The following VWA5B2 variants were observed in gnomAD, a reference collection of about 807,000 sequenced individuals.
VWA5B2 encodes von Willebrand factor A domain containing 5B2, also known as von Willebrand factor A domain-containing protein 5B2.
Under a neutral mutation model 118.5 loss-of-function variants are expected in VWA5B2, and 93 were observed. The observed-to-expected ratio is 0.79, with a 90% CI of 0.66 to 0.93. The LOEUF is 0.93. VWA5B2 is among the 40% of genes least tolerant of loss of function. The probability of loss-of-function intolerance (pLI) is 0.00; values close to 1 mark genes in which losing one functional copy is unlikely to be tolerated. For missense variants in VWA5B2, 1,546 were observed against 1,672.8 expected, an observed-to-expected ratio of 0.92 and a Z score of 1.32; for synonymous variants, 708 against 716.3, an observed-to-expected ratio of 0.99 and a Z score of 0.19.
rs184630385 is a variant in VWA5B2, at chr3:184,241,922, G to T, written c.3613G>T (p.Asp1205Tyr). 1 of 1,547,662 alleles carries T rather than the reference G, an allele frequency of 6.5e-7. No homozygotes were observed. ...CTGGCTGCGGGCCCAGCACTTGCCT[G>T]ACGGCCTTGACCTGGCCGCCCTCAA... The part of the protein sequence containing the change: ...DCWLRAQHLP[D>Y]GLDLAALKAA... The change falls in exon 20 of 20, where the codon GAC becomes TAC. Residue 1205 changes from aspartate to tyrosine, a missense_variant. This residue lies in a region of VWA5B2 where 763 missense variants were observed against 766.6 expected (regional missense o/e 1.00). Transcript: ENST00000691901. The surrounding 1 kb of genome is among the most constrained non-coding windows in gnomAD (Gnocchi z 5.1).
chr3:184,241,882 G>C lies in VWA5B2; in HGVS notation c.3573G>C (p.Ala1191=), dbSNP rs1434488740. 4 of 1,546,980 alleles carry C rather than the reference G, an allele frequency of 2.6e-6. No individual in the cohort carries two copies. Among genetic ancestry groups the C allele is most frequent in the African/African-American group, 2.7e-5 (2 of 73,188 alleles). Residue 1191 remains alanine, a synonymous_variant, in exon 20 of 20, where the codon GCG becomes GCC. Coordinates refer to ENST00000691901, the MANE Select transcript of VWA5B2 (RefSeq NM_001390846.1). The surrounding 1 kb of genome is among the most constrained non-coding windows in gnomAD (Gnocchi z 5.1). ...AAAFDEWELT[A]AKADCWLRAQ... is the part of the protein sequence containing the mutation. ...CCTTCGACGAGTGGGAACTGACAGC[G>C]GCCAAGGCTGATTGCTGGCTGCGGG...
rs150235518 is a variant in VWA5B2, at chr3:184,234,804, G to C, written c.945+49G>C. On this transcript the variant is annotated intron_variant, in intron 7 of 19. Coordinates refer to ENST00000691901, the MANE Select transcript of VWA5B2 (RefSeq NM_001390846.1). ...GGCCCCTGGCCTTGGCTGCATTTGT[G>C]CACAAGGAGCAGGCAAGCAGGCTTA... The C allele has an allele frequency of 3.0e-4, 460 of 1,549,278 alleles. 2 individuals are homozygous for C. In the East Asian group the frequency reaches 0.01, roughly 34 times the overall value.
chr3:184,234,601 C>G, intron 6 of VWA5B2, 30 bp from the exon 7 acceptor site: 1 of 1,548,884 alleles, frequency 6.5e-7, no homozygotes. Context: ...GCAGGGCCTT[C>G]CTTGACAGAA....
chr3:184,238,592 G>A lies in VWA5B2; in HGVS notation c.1921G>A (p.Asp641Asn). 1 of 1,551,026 alleles carries A rather than the reference G, an allele frequency of 6.4e-7. No homozygotes were observed. The highest frequency in any genetic ancestry group is 8.7e-7 in the Non-Finnish European group (1 of 1,146,386). ...STDALTDPVTDPGPNPSDTAI... is the reference protein window; with the variant it reads ...STDALTDPVTNPGPNPSDTAI... Reference sequence around the variant, plus strand: ...TGATGCTCTGACAGACCCAGTCACGGATCCTGGACCCAACCCCTCTGACAC... The same window carrying A: ...TGATGCTCTGACAGACCCAGTCACGAATCCTGGACCCAACCCCTCTGACAC... Residue 641 changes from aspartate (D) to asparagine (N), a missense_variant, in exon 14 of 20, where the codon GAT becomes AAT. Around this residue, in one of 3 missense-constraint regions of VWA5B2, gnomAD observed 775 missense variants for 882.3 expected, o/e 0.88. Transcript: ENST00000691901. This position sits in a 1 kb window ranked among gnomAD's most constrained non-coding sequence, Gnocchi z 5.0.
rs1419913122 is a variant in VWA5B2, at chr3:184,233,451, G to A, written c.530+54G>A. ...CTCCCTCGGCTTCTCTGGGTCTAGT[G>A]CGGGTGAGGGGGCACTGGCAGGGTA... On this transcript the variant is annotated intron_variant, in intron 4 of 19. Transcript: ENST00000691901. The surrounding 1 kb of genome is among the most constrained non-coding windows in gnomAD (Gnocchi z 5.2). 55 of 1,499,960 alleles carry A rather than the reference G, an allele frequency of 3.7e-5. No homozygotes were observed. The highest frequency in any genetic ancestry group is 4.7e-5 in the Non-Finnish European group (53 of 1,122,490). The allele number at this position is 1,499,960 out of a possible 1,614,324, so 92.9% of individuals were successfully genotyped here. A position where few individuals can be genotyped will look rare whatever the true frequency, so the allele number is the denominator to read the frequency against.
Position 184,242,295 on chromosome 3 carries a change from T to C in VWA5B2, c.*257T>C. 4 of 749,576 alleles carry C rather than the reference T, an allele frequency of 5.3e-6. No homozygotes were observed. The highest frequency in any genetic ancestry group is 9.1e-6 in the Non-Finnish European group (4 of 439,540). The allele number at this position is 749,576 out of a possible 1,614,324, so 46.4% of individuals were successfully genotyped here. On this transcript the variant is annotated 3_prime_UTR_variant, in exon 20 of 20. Transcript: ENST00000691901. ...ACAGTGGAAGGGTAGAGAGCCACAGTCCCCAAATCCTATGCAATAAAGTGC... is the reference window on the plus strand; with the variant it reads ...ACAGTGGAAGGGTAGAGAGCCACAGCCCCCAAATCCTATGCAATAAAGTGC...
Position 184,236,219 on chromosome 3 carries a change from C to A in VWA5B2, c.1169C>A (p.Thr390Lys), listed in dbSNP as rs1442113047. 6.4e-7 allele frequency: 1 copy of A among 1,551,762 alleles called. No homozygotes were observed. Among genetic ancestry groups the A allele is most frequent in the South Asian group, 1.2e-5 (1 of 84,070 alleles). The change falls in exon 9 of 20, where the codon ACG becomes AAG. Residue 390 changes from threonine to lysine, a missense_variant. This residue lies in a region of VWA5B2 where 775 missense variants were observed against 882.3 expected (regional missense o/e 0.88). Transcript: ENST00000691901. ...QTLINLAVFGTLVQPLFPESR... is the reference protein window; with the variant it reads ...QTLINLAVFGKLVQPLFPESR... ...CTTATCAACCTGGCCGTGTTTGGGA[C>A]GTTGGTGCAGCCACTCTTCCCAGAG...
intron 16 of VWA5B2, 146 bp from the exon 17 acceptor site, chr3:184,240,645 C>G: frequency 8.7e-7 from 1 of 1,144,756 alleles, no homozygotes; most frequent in Non-Finnish European, 1.2e-6. Flanking sequence ...GTTGGGGAGT[C>G]TGAGCTGGTT....
At position 184,233,342 on chromosome 3, in the gene VWA5B2, C is replaced by A; in HGVS notation, c.475C>A (p.Leu159Met). The A allele has an allele frequency of 6.5e-7, 1 of 1,536,998 alleles. No homozygotes were observed. The highest frequency in any genetic ancestry group is 8.8e-7 in the Non-Finnish European group (1 of 1,140,986). The change falls in exon 4 of 20, where the codon CTG becomes ATG. Residue 159 changes from leucine (L) to methionine (M), a missense_variant. Around this residue, in one of 3 missense-constraint regions of VWA5B2, gnomAD observed 775 missense variants for 882.3 expected, o/e 0.88. Coordinates refer to ENST00000691901, the MANE Select transcript of VWA5B2 (RefSeq NM_001390846.1). The surrounding 1 kb of genome is among the most constrained non-coding windows in gnomAD (Gnocchi z 5.2). ...GGCCCTGCCCACTGTGCTCACCCCG[C>A]TGGCCCCGCCAGGCCCGCCGGGGCC... ...HVALPTVLTP[L>M]APPGPPGPPR...
At chr3:184,234,490 C>A in intron 6 of VWA5B2, 93 bp downstream of exon 6, 1 of 1,534,470 alleles carries the variant, frequency 6.5e-7, no homozygotes. Flanking sequence ...GGGCCCCAGC[C>A]AGATGGACTG....
intron 7 of VWA5B2, 64 bp from the exon 8 acceptor site, chr3:184,235,089 C>T (rs1198599332): frequency 3.6e-5 from 54 of 1,516,172 alleles, no homozygotes; most frequent in Non-Finnish European, 4.5e-5. Context: ...GCCAGTCCCA[C>T]TGCCCACCCT....
chr3:184,238,792 G>A lies in VWA5B2; in HGVS notation c.2121G>A (p.Gln707=), dbSNP rs1718265722. The A allele has an allele frequency of 6.5e-7, 1 of 1,547,282 alleles. No homozygotes were observed. The highest frequency in any genetic ancestry group is 1.4e-5 in the African/African-American group (1 of 72,992). ...GSAPLEPPSQ[Q]GCRSLAWGEP... ...CTCCCTTGGAGCCCCCTTCTCAGCA[G>A]GGCTGCCGCAGTCTGGCCTGGGGAG... Residue 707 remains glutamine, a synonymous_variant, in exon 14 of 20, where the codon CAG becomes CAA. Transcript: ENST00000691901. The surrounding 1 kb of genome is among the most constrained non-coding windows in gnomAD (Gnocchi z 5.0).
chr3:184,241,417 G>T lies in VWA5B2; in HGVS notation c.3180+13G>T. 1 of 1,577,140 alleles carries T rather than the reference G, an allele frequency of 6.3e-7. No individual in the cohort carries two copies. The highest frequency in any genetic ancestry group is 2.3e-5 in the East Asian group (1 of 42,884). ...CTACCTGCCCTTGGTGAGGACTCGG[G>T]AGGTGGAGGGTGGTGCCGCCGGGGC... On this transcript the variant is annotated intron_variant, in intron 19 of 19. Coordinates refer to ENST00000691901, the MANE Select transcript of VWA5B2 (RefSeq NM_001390846.1). This position sits in a 1 kb window ranked among gnomAD's most constrained non-coding sequence, Gnocchi z 5.1.
Position 184,233,753 on chromosome 3 carries a change from C to A in VWA5B2, c.688+20C>A, listed in dbSNP as rs1199697961. ...TTGCAGGTGGGTGCATCTGGCTGGC[C>A]TGCCCTCTTTTCAGATGCCCACTCC... is the stretch of plus-strand genomic sequence containing the variant. On this transcript the variant is annotated intron_variant, in intron 5 of 19. Coordinates refer to ENST00000691901, the MANE Select transcript of VWA5B2 (RefSeq NM_001390846.1). This position sits in a 1 kb window ranked among gnomAD's most constrained non-coding sequence, Gnocchi z 5.2. The A allele has an allele frequency of 6.5e-7, 1 of 1,548,660 alleles. No individual in the cohort carries two copies. Among genetic ancestry groups the A allele is most frequent in the South Asian group, 1.2e-5 (1 of 83,836 alleles).
intron 7 of VWA5B2, 24 bp from the exon 8 acceptor site, chr3:184,235,129 C>T: frequency 6.5e-7 from 1 of 1,547,468 alleles, no homozygotes; most frequent in Non-Finnish European, 8.7e-7. Context: ...CTTGCCCAGG[C>T]TGACTTGGGA....
chr3:184,234,887 C>G, intron 7 of VWA5B2, 132 bp downstream of exon 7: 1 of 1,359,970 alleles, frequency 7.4e-7, no homozygotes, highest in Non-Finnish European at 9.9e-7. Flanking sequence ...ACAGCTGCCA[C>G]CAACCATCAC....
At chr3:184,240,400 T>C in intron 16 of VWA5B2, 1 of 341,888 alleles carries the variant, frequency 2.9e-6, no homozygotes, top group Non-Finnish European at 5.3e-6. Context: ...GTTCATTTCC[T>C]CAGTTGCACT....
rs1402672984 is a variant in VWA5B2 at position 184,237,323 on chromosome 3, G to A, written c.1631G>A (p.Arg544Gln). The part of the protein sequence containing the change: ...PDTVEALLTP[R>Q]EIPALYPGDQ... ...ACTGTGGAGGCACTGCTGACCCCCC[G>A]GGAGATCCCAGCACTCTACCCTGGG... The change falls in exon 12 of 20, where the codon CGG becomes CAG. Residue 544 changes from arginine to glutamine, a missense_variant. By Grantham distance (43) the Arg-to-Gln change is conservative. This residue lies in a region of VWA5B2 where 775 missense variants were observed against 882.3 expected (regional missense o/e 0.88). Coordinates refer to ENST00000691901, the MANE Select transcript of VWA5B2 (RefSeq NM_001390846.1). The surrounding 1 kb of genome is among the most constrained non-coding windows in gnomAD (Gnocchi z 5.6). The A allele has an allele frequency of 9.7e-6, 15 of 1,551,240 alleles. No individual in the cohort carries two copies. The highest frequency in any genetic ancestry group is 7.3e-5 in the East Asian group (3 of 40,932).
At chr3:184,236,881 A>C in intron 11 of VWA5B2, 132 bp downstream of exon 11, 7 of 770,192 alleles carry the variant, frequency 9.1e-6, no homozygotes, top group Non-Finnish European at 1.4e-5. Context: ...CCCCACTCCA[A>C]TCAGGGGAAG....
Sources: gnomAD v4.1 joint callset for allele counts on GRCh38, gnomAD v4.1.1 for gene constraint, gnomAD v4.1.1 regional missense constraint, Gnocchi (gnomAD v3.1) non-coding constraint, MANE v1.5 for transcripts, NCBI Gene and HGNC (gene_info 2026-07-23, HGNC 2026-07-21) for gene names.